Variants in LYRM4 observed in about 807,000 individuals in gnomAD.
LYRM4 encodes the protein LYR motif containing 4, also known as LYR motif-containing protein 4.
Under a neutral mutation model 11.7 loss-of-function variants are expected in LYRM4, and 9 were observed. The ratio of observed to expected loss-of-function variants is 0.77; its 90% CI spans 0.46 to 1.34. The LOEUF (loss-of-function observed/expected upper bound fraction) is 1.34. Ranked by LOEUF, LYRM4 falls within the 40% of genes most tolerant of loss-of-function variation. LYRM4 has a pLI of 0.00. For synonymous variants in LYRM4, 42 were observed against 40.4 expected (o/e 1.04, Z -0.15); for missense variants, 133 against 112.5 (o/e 1.18, Z -0.82).
intron 2 of LYRM4, among the ~76,000 whole-genome samples, chr6:5,140,468 A>C (rs1200609628): frequency 1.3e-5 from 2 of 152,246 alleles, no homozygotes; most frequent in Non-Finnish European, 2.9e-5. Context: ...GAGTATTTCC[A>C]AAGTACATAA....
intron 2 of LYRM4, among the ~76,000 whole-genome samples, chr6:5,156,697 A>T (rs550729695): frequency 1.3e-5 from 2 of 152,124 alleles, no homozygotes; most frequent in South Asian, 2.1e-4. Flanking sequence ...CCGAATCCAG[A>T]TCTCCTATAA....
chr6:5,050,880 C>T, the LYRM4 span, among the ~76,000 whole-genome samples: 1 of 152,082 alleles, frequency 6.6e-6, no homozygotes, highest in African/African-American at 2.4e-5. Flanking sequence ...ACTTACTAAA[C>T]AAAGAGTTTA....
intron 1 of LYRM4, among the ~76,000 whole-genome samples, chr6:5,243,391 A>G (rs945706190): frequency 1.3e-5 from 2 of 152,214 alleles, no homozygotes; most frequent in Non-Finnish European, 2.9e-5. Context: ...TTAGGTACCA[A>G]TATTCTGAAC....
chr6:5,083,086 C>T, the LYRM4 span, among the ~76,000 whole-genome samples: 7 of 150,900 alleles, frequency 4.6e-5, no homozygotes, highest in East Asian at 7.9e-4. Flanking sequence ...GAGGGTGGGC[C>T]GGGGCTGGGA....
intron 2 of LYRM4, among the ~76,000 whole-genome samples, chr6:5,189,445 AG>A (rs1169206145): frequency 2.0e-5 from 3 of 152,178 alleles, no homozygotes; most frequent in African/African-American, 7.2e-5. Flanking sequence ...GCCTAAGGTT[AG>A]TGCTTAGCCT....
rs941066493 is a variant in LYRM4 at position 5,260,880 on chromosome 6, G to A, written c.-147C>T. 7 of 1,428,098 alleles carry A rather than the reference G, an allele frequency of 4.9e-6. No individual in the cohort carries two copies. Among genetic ancestry groups the A allele is most frequent in the Middle Eastern group, 2.6e-4 (1 of 3,874 alleles). The allele number at this position is 1,428,098 out of a possible 1,614,324, so 88.5% of individuals were successfully genotyped here. A position where few individuals can be genotyped will look rare whatever the true frequency, so the allele number is the denominator to read the frequency against. On this transcript the variant is annotated 5_prime_UTR_variant, in exon 1 of 3. Transcript: ENST00000330636. The stretch of plus-strand genomic sequence containing the variant: ...CAGCGGGCCGGGCCTAAGCCTAAGC[G>A]GGCAGCCCTGCGGATCGCGGACGGC...
intron 2 of LYRM4, among the ~76,000 whole-genome samples, chr6:5,177,833 A>G (rs1468464540): frequency 6.6e-6 from 1 of 152,138 alleles, no homozygotes; most frequent in East Asian, 1.9e-4. Context: ...ATGAGAAGTG[A>G]TTCTCAGGAA....
At chr6:5,171,631 T>C (rs147866048) in intron 2 of LYRM4, among the ~76,000 whole-genome samples, 1 of 152,334 alleles carries the variant, frequency 6.6e-6, no homozygotes, top group East Asian at 1.9e-4. Context: ...CGATAAGCAG[T>C]TGTTACCATT....
At chr6:5,059,396 T>C in the LYRM4 span, among the ~76,000 whole-genome samples, 17 of 151,580 alleles carry the variant, frequency 1.1e-4, no homozygotes, top group African/African-American at 4.1e-4. Context: ...CTCCTCCCCT[T>C]TTATTGCACT....
the LYRM4 span, among the ~76,000 whole-genome samples, chr6:5,072,991 C>T: frequency 6.6e-6 from 1 of 152,106 alleles, no homozygotes; most frequent in Non-Finnish European, 1.5e-5. Flanking sequence ...AATTGCATGA[C>T]ATGTCTTTAT....
In LYRM4 at chr6:5,143,376, T is replaced by G. The variant is rs1257267957; in HGVS notation, c.208-33885A>C. Among the ~76,000 whole-genome samples, 15 of 152,336 alleles carry G rather than the reference T, an allele frequency of 9.8e-5. No homozygotes were observed. The South Asian group carries it at 3.1e-3, about 32-fold the overall frequency. ...AACTGTGTGAGTCTGTGCTTATACATGGGCAAGTTTTACTGGCAATGTGAA... is the reference window on the plus strand; with the variant it reads ...AACTGTGTGAGTCTGTGCTTATACAGGGGCAAGTTTTACTGGCAATGTGAA... On this transcript the variant is annotated intron_variant, in intron 2 of 2. Coordinates refer to ENST00000330636, the MANE Select transcript of LYRM4 (RefSeq NM_020408.6).
At chr6:5,064,542 AT>A in the LYRM4 span, among the ~76,000 whole-genome samples, 1 of 152,240 alleles carries the variant, frequency 6.6e-6, no homozygotes, top group African/African-American at 2.4e-5. Context: ...TGTATCATAT[AT>A]TTTTTAAATT....
intron 2 of LYRM4, among the ~76,000 whole-genome samples, chr6:5,210,568 C>T (rs767392167): frequency 1.9e-4 from 29 of 151,942 alleles, no homozygotes; most frequent in Non-Finnish European, 3.4e-4. Flanking sequence ...TATTTTTAAG[C>T]GTTTAGTGCA....
chr6:5,135,967 G>C (rs1323661539), intron 2 of LYRM4, among the ~76,000 whole-genome samples: 2 of 152,106 alleles, frequency 1.3e-5, no homozygotes, highest in African/African-American at 4.8e-5. Context: ...CGTCTGTAGG[G>C]GGACTCTAGG....
intron 2 of LYRM4, among the ~76,000 whole-genome samples, chr6:5,170,464 G>A (rs950342995): frequency 4.0e-5 from 6 of 149,924 alleles, no homozygotes; most frequent in Non-Finnish European, 7.4e-5. Context: ...TATCAAAAGA[G>A]CTTTCTCACT....
the LYRM4 span, among the ~76,000 whole-genome samples, chr6:5,083,165 C>A: frequency 6.6e-6 from 1 of 152,228 alleles, no homozygotes; most frequent in African/African-American, 2.4e-5. Context: ...TCCCTCACCT[C>A]CTTCTCTGTC....
At chr6:5,082,553 C>T in the LYRM4 span, among the ~76,000 whole-genome samples, 2 of 152,162 alleles carry the variant, frequency 1.3e-5, no homozygotes, top group African/African-American at 2.4e-5. Context: ...TCCTAAATAG[C>T]GCTCAGATTT....
At position 5,163,454 on chromosome 6, in the gene LYRM4, G is replaced by C. The variant is rs141461313; in HGVS notation, c.207+53164C>G. On this transcript the variant is annotated intron_variant, in intron 2 of 2. Transcript: ENST00000330636. ...CAACGCCACACTCCCTTCATTACCA[G>C]AGCTTTAGAACAGGCTTGGCATCTG... is the stretch of plus-strand genomic sequence containing the variant. 4.9e-3 allele frequency among the ~76,000 whole-genome samples: 741 copies of C among 151,592 alleles called. 6 individuals carry two copies. The highest frequency in any genetic ancestry group is 0.043 in the South Asian group (208 of 4,792).
intron 2 of LYRM4, among the ~76,000 whole-genome samples, chr6:5,127,942 G>A (rs1763771228): frequency 6.6e-6 from 1 of 152,124 alleles, no homozygotes; most frequent in Admixed American, 6.5e-5. Flanking sequence ...TTCACAGGAA[G>A]TTGCAAAAAA....
Sources: gnomAD v4.1 joint callset for allele counts (sites outside exome capture counted in the v4.1 genomes callset) on GRCh38, gnomAD v4.1.1 for gene constraint, MANE v1.5 for transcripts, NCBI Gene and HGNC (gene_info 2026-07-23, HGNC 2026-07-21) for gene names.